The following ADK variants were observed in gnomAD, a reference collection of about 807,000 sequenced individuals.
ADK encodes the protein adenosine kinase.
ADK carries 24 observed loss-of-function variants against 44.7 expected under a neutral mutation model. That is an observed-to-expected ratio of 0.54 (90% CI 0.39 to 0.76). The LOEUF (loss-of-function observed/expected upper bound fraction) is 0.76, where lower values mean the gene tolerates loss of function less well. ADK is among the 30% of genes least tolerant of loss of function. ADK has a pLI of 0.00. For missense variants in ADK, 321 were observed against 425.1 expected (o/e 0.76, Z 2.15); for synonymous variants, 128 against 142.6 (o/e 0.90, Z 0.73).
chr10:74,175,103 A>C (rs1842284817), intron 1 of ADK, among the ~76,000 whole-genome samples: 1 of 152,264 alleles, frequency 6.6e-6, no homozygotes. Context: ...ACATTAAAAA[A>C]GGTAAAAAAG....
intron 3 of ADK, among the ~76,000 whole-genome samples, chr10:74,226,961 G>GT (rs1268451293): frequency 6.6e-6 from 1 of 151,308 alleles, no homozygotes; most frequent in Non-Finnish European, 1.5e-5. Flanking sequence ...TAAAAGCAGA[G>GT]TATTAATTTT....
Position 74,691,993 on chromosome 10 carries a change from A to G in ADK, c.965-16328A>G, listed in dbSNP as rs577140457. On this transcript the variant is annotated intron_variant, in intron 10 of 10. Coordinates refer to ENST00000539909, the MANE Select transcript of ADK (RefSeq NM_006721.4). ...TTACAAAACTAAACATACTTTTACC[A>G]TATGATCTAGCGATCAGGCTCCTTC... 2.6e-5 allele frequency among the ~76,000 whole-genome samples: 4 copies of G among 152,336 alleles called. No individual in the cohort carries two copies. The South Asian group carries it at 8.3e-4, about 32-fold the overall frequency.
At chr10:74,707,162 A>T (rs1424544982) in intron 10 of ADK, among the ~76,000 whole-genome samples, 1 of 152,114 alleles carries the variant, frequency 6.6e-6, no homozygotes, top group African/African-American at 2.4e-5. Flanking sequence ...CAGCCTCCTG[A>T]GTAGCTAGGT....
intron 3 of ADK, among the ~76,000 whole-genome samples, chr10:74,294,548 A>T (rs942594800): frequency 6.6e-6 from 1 of 152,150 alleles, no homozygotes; most frequent in Non-Finnish European, 1.5e-5. Context: ...TGGCCTCCCA[A>T]AGTACTGGAA....
At chr10:74,270,937 A>G (rs535761993) in intron 3 of ADK, among the ~76,000 whole-genome samples, 1 of 152,320 alleles carries the variant, frequency 6.6e-6, no homozygotes, top group African/African-American at 2.4e-5. Flanking sequence ...TTGTACATAG[A>G]TCATTAAGAA....
At chr10:74,263,157 A>C (rs1304369431) in intron 3 of ADK, among the ~76,000 whole-genome samples, 1 of 152,206 alleles carries the variant, frequency 6.6e-6, no homozygotes, top group East Asian at 1.9e-4. Context: ...TGATTTCCAC[A>C]TATACTGCAC....
chr10:74,163,043 C>T (rs1841948150), intron 1 of ADK, among the ~76,000 whole-genome samples: 1 of 152,068 alleles, frequency 6.6e-6, no homozygotes, highest in Non-Finnish European at 1.5e-5. Context: ...TCTCGGCTCA[C>T]TGCAGCCTCC....
chr10:74,564,929 T>C (rs1052897746), intron 7 of ADK, among the ~76,000 whole-genome samples: 2 of 152,102 alleles, frequency 1.3e-5, no homozygotes, highest in African/African-American at 4.8e-5. Context: ...TAATCCCTTA[T>C]AGTTCAGTGG....
intron 2 of ADK, among the ~76,000 whole-genome samples, chr10:74,209,103 A>T (rs1162525644): frequency 6.6e-6 from 1 of 152,178 alleles, no homozygotes; most frequent in Non-Finnish European, 1.5e-5. Flanking sequence ...GTTGAAACTT[A>T]TCCCCAGTGT....
At chr10:74,323,970 G>T (rs948700529) in intron 4 of ADK, among the ~76,000 whole-genome samples, 3 of 151,834 alleles carry the variant, frequency 2.0e-5, no homozygotes, top group Admixed American at 6.6e-5. Flanking sequence ...CAACCCCTTG[G>T]CCCCAGACAG....
chr10:74,600,041 T>C lies in ADK; in HGVS notation c.763-338T>C, dbSNP rs557592901. 2.6e-5 allele frequency among the ~76,000 whole-genome samples: 4 copies of C among 152,328 alleles called. No individual in the cohort carries two copies. The East Asian group carries it at 7.7e-4, about 29-fold the overall frequency. ...GATAATAGTTTTGTGGTTATGTTTA[T>C]CATTACCTTTCAAAGATATATACTA... On this transcript the variant is annotated intron_variant, in intron 8 of 10. Coordinates refer to ENST00000539909, the MANE Select transcript of ADK (RefSeq NM_006721.4).
At chr10:74,559,764 G>C (rs11818050) in intron 7 of ADK, among the ~76,000 whole-genome samples, 6,396 of 151,778 alleles carry the variant, frequency 0.042, 409 homozygotes, top group African/African-American at 0.13. Flanking sequence ...ATATTATAGT[G>C]CATTTATATT....
intron 6 of ADK, among the ~76,000 whole-genome samples, chr10:74,478,199 A>C (rs984195470): frequency 1.7e-4 from 26 of 152,302 alleles, no homozygotes; most frequent in African/African-American, 6.3e-4. Flanking sequence ...ATTAGCCACT[A>C]TACCCAGCCT....
At chr10:74,630,725 A>G (rs1853379734) in intron 9 of ADK, among the ~76,000 whole-genome samples, 1 of 152,156 alleles carries the variant, frequency 6.6e-6, no homozygotes. Flanking sequence ...TTATTGAATA[A>G]ATATCTCATG....
chr10:74,531,529 C>CTGTT lies in ADK; in HGVS notation c.726+6121_726+6124dup, dbSNP rs559385583. 3.1e-3 allele frequency among the ~76,000 whole-genome samples: 466 copies of CTGTT among 152,174 alleles called. 1 individual carries two copies. The highest frequency in any genetic ancestry group is 1.0e-2 in the South Asian group (48 of 4,812). On this transcript the variant is annotated intron_variant, in intron 7 of 10. Coordinates refer to ENST00000539909, the MANE Select transcript of ADK (RefSeq NM_006721.4). ...AATTGCTTCAGTGTTTAATTCTTTT[C>CTGTT]TGTTTGTTTGTTTGTTTGTTTTGAG...
At chr10:74,305,728 T>G (rs1166685033) in intron 3 of ADK, among the ~76,000 whole-genome samples, 1 of 152,124 alleles carries the variant, frequency 6.6e-6, no homozygotes, top group Admixed American at 6.5e-5. Flanking sequence ...TTTCTTTCCT[T>G]TCCTTTTCCT....
chr10:74,547,566 C>T (rs1374068076), intron 7 of ADK, among the ~76,000 whole-genome samples: 1 of 149,478 alleles, frequency 6.7e-6, no homozygotes, highest in Admixed American at 6.7e-5. Context: ...ACTGCAACCT[C>T]CACCTCCTGG....
intron 3 of ADK, among the ~76,000 whole-genome samples, chr10:74,300,728 T>TA (rs1245146459): frequency 6.6e-6 from 1 of 152,214 alleles, no homozygotes; most frequent in Non-Finnish European, 1.5e-5. Flanking sequence ...ATGTAAAACT[T>TA]ATACTATGGT....
intron 9 of ADK, among the ~76,000 whole-genome samples, chr10:74,623,493 C>T (rs886860517): frequency 8.5e-5 from 13 of 152,074 alleles, no homozygotes; most frequent in African/African-American, 2.9e-4. Context: ...ACTTGCTTAA[C>T]TGTGTTTCTC....
Sources: allele counts gnomAD v4.1 joint callset (sites outside exome capture counted in the v4.1 genomes callset), GRCh38; gene constraint gnomAD v4.1.1; transcripts MANE v1.5; gene names NCBI Gene and HGNC (gene_info 2026-07-23, HGNC 2026-07-21).